ARPP21: variants seen among roughly 807,000 people sequenced by gnomAD.
The protein encoded by ARPP21 is cAMP-regulated phosphoprotein 21.
A neutral mutation model predicts 113.2 loss-of-function variants in ARPP21; 69 were observed. The observed-to-expected ratio is 0.61, with a 90% CI of 0.50 to 0.74. ARPP21 has a LOEUF of 0.74. Among genes scored for constraint, ARPP21 ranks in the 30% least tolerant of loss-of-function variants. The pLI, the probability that ARPP21 is intolerant of heterozygous loss-of-function variation, is 0.00. For synonymous variants in ARPP21, 368 were observed against 375.5 expected (o/e 0.98, Z 0.23); for missense variants, 1,070 against 1,037.4 (o/e 1.03, Z -0.43).
In ARPP21 at chr3:35,733,852, T is replaced by C. The variant is rs1372467777; in HGVS notation, c.1460-3326T>C. ...ACTTAAGCGAATCCTTAGTGCTTTT[T>C]CTGTGCAATTATTTAGAAACATCTC... is the stretch of plus-strand genomic sequence containing the variant. On this transcript the variant is annotated intron_variant, in intron 15 of 20. Coordinates refer to ENST00000684406, the MANE Select transcript of ARPP21 (RefSeq NM_001385562.1). 2.0e-5 allele frequency among the ~76,000 whole-genome samples: 3 copies of C among 152,338 alleles called. No individual in the cohort carries two copies. The East Asian group carries it at 5.8e-4, about 29-fold the overall frequency.
At chr3:35,690,522 AT>A (rs983825478) in intron 8 of ARPP21, among the ~76,000 whole-genome samples, 2 of 151,514 alleles carry the variant, frequency 1.3e-5, no homozygotes, top group African/African-American at 4.8e-5. Context: ...ACATCTCCAT[AT>A]AGACATCTGC....
At chr3:35,753,303 A>G (rs1475414963) in intron 19 of ARPP21, among the ~76,000 whole-genome samples, 21 of 152,042 alleles carry the variant, frequency 1.4e-4, no homozygotes. Flanking sequence ...ATTCATGTCA[A>G]CATATGAATA....
chr3:35,643,717 T>C (rs1575353136), intron 1 of ARPP21: 1 of 152,078 alleles, frequency 6.6e-6, no homozygotes, highest in East Asian at 1.9e-4. Context: ...TGCAAATTAA[T>C]CATTTGTATA....
chr3:35,731,689 A>T (rs1246183623), intron 15 of ARPP21, among the ~76,000 whole-genome samples: 1 of 152,024 alleles, frequency 6.6e-6, no homozygotes, highest in Non-Finnish European at 1.5e-5. Context: ...TACCTATCAA[A>T]TTTCTTATAT....
At chr3:35,722,575 T>C (rs1319122349) in intron 14 of ARPP21, among the ~76,000 whole-genome samples, 1 of 152,212 alleles carries the variant, frequency 6.6e-6, no homozygotes, top group Admixed American at 6.5e-5. Flanking sequence ...ATAAGACAGG[T>C]GAGTGTCAGA....
At chr3:35,731,895 C>T (rs2093999985) in intron 15 of ARPP21, among the ~76,000 whole-genome samples, 1 of 152,286 alleles carries the variant, frequency 6.6e-6, no homozygotes, top group Middle Eastern at 3.4e-3. Flanking sequence ...TGCCCTTGGG[C>T]TCATTTCCTT....
intron 9 of ARPP21, among the ~76,000 whole-genome samples, chr3:35,702,828 A>G (rs2086969372): frequency 6.6e-6 from 1 of 151,850 alleles, no homozygotes; most frequent in Non-Finnish European, 1.5e-5. Flanking sequence ...AGAAGAACTA[A>G]GACTTTCCTA....
chr3:35,717,756 A>G lies in ARPP21; in HGVS notation c.995+399A>G, dbSNP rs182448679. Among the ~76,000 whole-genome samples, 546 of 152,238 alleles carry G rather than the reference A, an allele frequency of 3.6e-3. 3 individuals carry two copies. The highest frequency in any genetic ancestry group is 0.012 in the African/African-American group (506 of 41,570). The stretch of plus-strand genomic sequence containing the variant: ...ACTTGGGCAACTAATTTTTAATTTT[A>G]TCTGTTATATTATTTCAAACAGTGT... On this transcript the variant is annotated intron_variant, in intron 13 of 20. Coordinates refer to ENST00000684406, the MANE Select transcript of ARPP21 (RefSeq NM_001385562.1).
chr3:35,765,934 A>G (rs2095956514), intron 19 of ARPP21, among the ~76,000 whole-genome samples: 1 of 152,186 alleles, frequency 6.6e-6, no homozygotes, highest in Non-Finnish European at 1.5e-5. Context: ...CAAGGATTAA[A>G]TACAGTAATG....
At chr3:35,770,123 C>A (rs1189648598) in intron 19 of ARPP21, among the ~76,000 whole-genome samples, 1 of 152,192 alleles carries the variant, frequency 6.6e-6, no homozygotes, top group Non-Finnish European at 1.5e-5. Flanking sequence ...TTCAAAAAAA[C>A]ATTTTTTATA....
chr3:35,646,306 TAG>T (rs1559504300), intron 1 of ARPP21, among the ~76,000 whole-genome samples: 2 of 152,166 alleles, frequency 1.3e-5, no homozygotes, highest in African/African-American at 4.8e-5. Flanking sequence ...AGTTCTAACA[TAG>T]AGAGATAAAA....
At chr3:35,759,248 G>A (rs1223384229) in intron 19 of ARPP21, among the ~76,000 whole-genome samples, 2 of 152,032 alleles carry the variant, frequency 1.3e-5, no homozygotes, top group Non-Finnish European at 2.9e-5. Flanking sequence ...ATCAATAGAT[G>A]TGATTTTCAG....
At chr3:35,747,937 G>T (rs1018081554) in intron 19 of ARPP21, among the ~76,000 whole-genome samples, 16 of 134,514 alleles carry the variant, frequency 1.2e-4, no homozygotes, top group African/African-American at 4.7e-4. Flanking sequence ...AAGGAGGAAA[G>T]AAAGAAAGAA....
At chr3:35,651,449 T>A (rs554998228) in intron 1 of ARPP21, among the ~76,000 whole-genome samples, 218 of 152,224 alleles carry the variant, frequency 1.4e-3, no homozygotes, top group African/African-American at 5.1e-3. Context: ...TGCATCCATT[T>A]TTATTGGCTT....
Position 35,729,527 on chromosome 3 carries a change from C to A in ARPP21, c.1450C>A (p.Pro484Thr). The stretch of plus-strand genomic sequence containing the variant: ...CCCGCCTGGAAGCATCCTTCTTAAT[C>A]CACACACAGGTGAGTTACTACCTGC... ...GIPPGSILLN[P>T]HTGQPFVNPD... The change falls in exon 15 of 21, where the codon CCA becomes ACA. Residue 484 changes from proline (P) to threonine (T), a missense_variant. Pro to Thr is a conservative substitution (Grantham distance 38, BLOSUM62 -1). Transcript: ENST00000684406. 1 of 1,613,742 alleles carries A rather than the reference C, an allele frequency of 6.2e-7. No homozygotes were observed. Among genetic ancestry groups the A allele is most frequent in the Non-Finnish European group, 8.5e-7 (1 of 1,179,626 alleles).
chr3:35,645,404 G>A (rs559021567), intron 1 of ARPP21, among the ~76,000 whole-genome samples: 23 of 151,920 alleles, frequency 1.5e-4, no homozygotes, highest in African/African-American at 4.6e-4. Context: ...AAACAATTAC[G>A]TCACTTTTTA....
chr3:35,697,275 T>C (rs913083903), intron 9 of ARPP21, among the ~76,000 whole-genome samples: 1 of 151,196 alleles, frequency 6.6e-6, no homozygotes, highest in South Asian at 2.1e-4. Flanking sequence ...TGAAAGAGAG[T>C]GGATACAGGC....
At chr3:35,672,594 T>C (rs2076595153) in intron 1 of ARPP21, among the ~76,000 whole-genome samples, 1 of 152,182 alleles carries the variant, frequency 6.6e-6, no homozygotes, top group African/African-American at 2.4e-5. Context: ...AATCCTACTA[T>C]GTGCCAGGCA....
At chr3:35,745,099 C>T (rs1226100080) in intron 19 of ARPP21, among the ~76,000 whole-genome samples, 3 of 152,164 alleles carry the variant, frequency 2.0e-5, no homozygotes, top group African/African-American at 7.2e-5. Flanking sequence ...CTTGTTTCAG[C>T]ACTGTATTAG....
Sources: allele counts gnomAD v4.1 joint callset (sites outside exome capture counted in the v4.1 genomes callset), GRCh38; gene constraint gnomAD v4.1.1; transcripts MANE v1.5; gene names NCBI Gene and HGNC (gene_info 2026-07-23, HGNC 2026-07-21).